ERLN: variants seen among roughly 807,000 people sequenced by gnomAD.
ERLN encodes small integral membrane protein 6.
the ERLN span, chr17:75,647,380 G>T: frequency 6.5e-7 from 1 of 1,548,344 alleles, no homozygotes; most frequent in Non-Finnish European, 8.7e-7. Flanking sequence ...GATTCTCATG[G>T]ACCAACTGGT....
the ERLN span, chr17:75,647,707 A>C: frequency 3.8e-6 from 3 of 782,232 alleles, no homozygotes; most frequent in Non-Finnish European, 6.2e-6. Context: ...AAGTCTAGTA[A>C]AATACTGTAT....
the ERLN span, chr17:75,647,243 T>C: frequency 1.4e-6 from 1 of 724,444 alleles, no homozygotes; most frequent in South Asian, 1.9e-5. Context: ...TCATGTCCCC[T>C]GGCTGCCAGG....
At chr17:75,647,300 G>C in the ERLN span, 4 of 1,345,178 alleles carry the variant, frequency 3.0e-6, no homozygotes, top group Non-Finnish European at 4.0e-6. Context: ...GAGTCGGCGG[G>C]CAGAGCATAG....
chr17:75,647,501 C>T, the ERLN span: 15 of 1,550,384 alleles, frequency 9.7e-6, no homozygotes, highest in Non-Finnish European at 1.3e-5. Context: ...ATCTTATTTG[C>T]CATCGTGTTT....
the ERLN span, chr17:75,647,632 G>A: frequency 6.7e-7 from 1 of 1,488,506 alleles, no homozygotes; most frequent in Non-Finnish European, 9.1e-7. Flanking sequence ...TCCAGTGGTG[G>A]GCCCCTTCGC....
At chr17:75,647,791 G>A in the ERLN span, 2 of 509,156 alleles carry the variant, frequency 3.9e-6, no homozygotes, top group South Asian at 6.1e-5. Flanking sequence ...TGACCCTATT[G>A]TTTTTAGGGT....
the ERLN span, chr17:75,646,274 G>A: frequency 6.6e-6 from 1 of 152,430 alleles, no homozygotes; most frequent in African/African-American, 2.4e-5. Context: ...CACAGGAAGT[G>A]AGCCCTACGC....
the ERLN span, chr17:75,647,516 T>C: frequency 6.4e-7 from 1 of 1,550,428 alleles, no homozygotes; most frequent in Admixed American, 2.0e-5. Context: ...GTGTTTGGTT[T>C]ACTCACTTCC....
At chr17:75,647,360 C>G in the ERLN span, 1 of 1,541,982 alleles carries the variant, frequency 6.5e-7, no homozygotes, top group Non-Finnish European at 8.8e-7. Context: ...TCCTCTGTCC[C>G]TCTTTTCCAG....
the ERLN span, chr17:75,647,402 C>T: frequency 6.5e-6 from 10 of 1,549,482 alleles, no homozygotes; most frequent in Middle Eastern, 6.7e-4. Flanking sequence ...TTCAAAGAGA[C>T]AATCTGGAAT....
the ERLN span, chr17:75,647,305 G>C: frequency 6.5e-6 from 9 of 1,395,202 alleles, no homozygotes; most frequent in African/African-American, 8.6e-5. Context: ...GGCGGGCAGA[G>C]CATAGCACCT....
chr17:75,647,765 A>G, the ERLN span: 1 of 586,200 alleles, frequency 1.7e-6, no homozygotes, highest in Non-Finnish European at 3.1e-6. Flanking sequence ...CTGGTCTGAG[A>G]CCAATTCTGG....
the ERLN span, chr17:75,647,357 T>C: frequency 6.5e-7 from 1 of 1,539,692 alleles, no homozygotes; most frequent in Non-Finnish European, 8.8e-7. Context: ...AGGTCCTCTG[T>C]CCCTCTTTTC....
chr17:75,647,709 A>G, the ERLN span: 3 of 771,702 alleles, frequency 3.9e-6, no homozygotes, highest in Non-Finnish European at 6.3e-6. Context: ...GTCTAGTAAA[A>G]TACTGTATCT....
chr17:75,647,313 C>T, the ERLN span: 1 of 1,445,668 alleles, frequency 6.9e-7, no homozygotes, highest in African/African-American at 1.4e-5. Flanking sequence ...GAGCATAGCA[C>T]CTGGGACAGG....
chr17:75,647,329 G>A, the ERLN span: 4 of 1,491,750 alleles, frequency 2.7e-6, no homozygotes, highest in Non-Finnish European at 2.7e-6. Flanking sequence ...ACAGGGCCTG[G>A]GAGGGCTGCC....
chr17:75,646,838 T>C, the ERLN span: 1 of 152,934 alleles, frequency 6.5e-6, no homozygotes, highest in African/African-American at 2.4e-5. Flanking sequence ...GCTATGGGCT[T>C]GCAGTCTGCG....
At chr17:75,646,275 A>C in the ERLN span, 2 of 152,524 alleles carry the variant, frequency 1.3e-5, no homozygotes, top group South Asian at 2.1e-4. Flanking sequence ...ACAGGAAGTG[A>C]GCCCTACGCC....
chr17:75,646,407 G>C, the ERLN span: 11 of 152,386 alleles, frequency 7.2e-5, no homozygotes, highest in African/African-American at 2.7e-4. Flanking sequence ...AAAGGCCCTC[G>C]GTCCAGTCTC....
Sources: gnomAD v4.1 joint callset for allele counts on GRCh38, gnomAD v4.1.1 for gene constraint, MANE v1.5 for transcripts, NCBI Gene and HGNC (gene_info 2026-07-23, HGNC 2026-07-21) for gene names.